PI4KA: variants seen among roughly 807,000 people sequenced by gnomAD.
PI4KA encodes the protein PI4-kinase alpha.
PI4KA carries 122 observed loss-of-function variants against 271.4 expected under a neutral mutation model. The ratio of observed to expected loss-of-function variants is 0.45; its 90% confidence interval spans 0.39 to 0.52. PI4KA has a LOEUF of 0.52. Among genes scored for constraint, PI4KA ranks in the 20% least tolerant of loss-of-function variants. The pLI is 0.00. For missense variants in PI4KA, 1,969 were observed against 2,769.1 expected (o/e 0.71, Z 6.48); for synonymous variants, 1,041 against 1,078.8 (o/e 0.96, Z 0.69).
Position 20,729,335 on chromosome 22 carries a change from G to C in PI4KA, c.4660C>G (p.Leu1554Val). 2 of 1,613,872 alleles carry C rather than the reference G, an allele frequency of 1.2e-6. No homozygotes were observed. Among genetic ancestry groups the C allele is most frequent in the Non-Finnish European group, 1.7e-6 (2 of 1,179,890 alleles). Reference protein sequence around the residue: ...VNLAWSISPYLAVQLPARFKN... With the variant: ...VNLAWSISPYVAVQLPARFKN... ...CACCTGGCAGGCAGCTGCACGGCTA[G>C]GTAGGGAGAGATGCTCCAGGCGAGG... Residue 1554 changes from leucine (L) to valine (V), a missense_variant, in exon 39 of 55, where the codon CTA (leucine) becomes GTA (valine). Coordinates refer to ENST00000255882, the MANE Select transcript of PI4KA (RefSeq NM_058004.4).
intron 41 of PI4KA, 59 bp from the exon 42 acceptor site, chr22:20,726,600 G>A (rs377300401): frequency 9.6e-6 from 14 of 1,451,490 alleles, no homozygotes; most frequent in African/African-American, 4.4e-5. Flanking sequence ...CCAACCCTAC[G>A]GCCCAGGCCC....
intron 1 of PI4KA, among the ~76,000 whole-genome samples, chr22:20,850,167 T>C (rs1395348852): frequency 6.6e-6 from 1 of 152,128 alleles, no homozygotes; most frequent in Non-Finnish European, 1.5e-5. Flanking sequence ...ACCTAGCCTA[T>C]GAAGGATCAA....
chr22:20,801,913 T>C, intron 14 of PI4KA, 60 bp downstream of exon 14: 1 of 1,576,220 alleles, frequency 6.3e-7, no homozygotes, highest in Non-Finnish European at 8.7e-7. Flanking sequence ...GTCTCTTATT[T>C]TGTAATAACC....
chr22:20,783,457 GA>G (rs1455293723), intron 19 of PI4KA, among the ~76,000 whole-genome samples: 14 of 149,384 alleles, frequency 9.4e-5, no homozygotes, highest in African/African-American at 3.4e-4. Context: ...AAAAAAGACA[GA>G]AAGAAAAAAT....
chr22:20,780,179 T>G, intron 19 of PI4KA: 1 of 1,614,218 alleles, frequency 6.2e-7, no homozygotes, highest in Non-Finnish European at 8.5e-7. Context: ...AGATGATGAT[T>G]CTCAACTGCA....
rs1439289709 is a variant in PI4KA at position 20,749,893 on chromosome 22, G to A, written c.3243+12C>T. ...GAGCTTATGGCAATTGCCTTTTGAT[G>A]GTTTCAAGTACCTGCAGGTGGGACT... is the stretch of plus-strand genomic sequence containing the variant. On this transcript the variant is annotated intron_variant, in intron 28 of 54. Transcript: ENST00000255882. 6 of 1,557,554 alleles carry A rather than the reference G, an allele frequency of 3.9e-6. No individual in the cohort carries two copies. The highest frequency in any genetic ancestry group is 5.3e-6 in the Non-Finnish European group (6 of 1,128,508).
At chr22:20,826,439 T>G (rs1923435341) in intron 3 of PI4KA, among the ~76,000 whole-genome samples, 1 of 152,206 alleles carries the variant, frequency 6.6e-6, no homozygotes, top group Admixed American at 6.6e-5. Context: ...ATTTTCTTTA[T>G]CCAGTCTTCC....
intron 42 of PI4KA, chr22:20,726,273 A>C: frequency 1.1e-5 from 5 of 441,046 alleles, no homozygotes; most frequent in East Asian, 4.1e-5. Flanking sequence ...CTCGCTCCAC[A>C]GAGCATGCTT....
In PI4KA at chr22:20,858,786, C is replaced by G. The variant is rs1180539507; in HGVS notation, c.-61G>C. On this transcript the variant is annotated 5_prime_UTR_variant, in exon 1 of 55. Transcript: ENST00000255882. ...CGCTCCTGGCCCGCGAGCGCCCGAC[C>G]TCAGGGCGCAGGCGTAGGTGCATCC... 2 of 1,368,216 alleles carry G rather than the reference C, an allele frequency of 1.5e-6. No individual in the cohort carries two copies. Among genetic ancestry groups the G allele is most frequent in the Non-Finnish European group, 9.5e-7 (1 of 1,057,012 alleles). The allele number at this position is 1,368,216 out of a possible 1,614,324, so 84.8% of individuals were successfully genotyped here.
In PI4KA at chr22:20,819,806, G is replaced by C. The variant is rs1470651331; in HGVS notation, c.624C>G (p.Leu208=). 3 of 1,614,092 alleles carry C rather than the reference G, an allele frequency of 1.9e-6. No individual in the cohort carries two copies. The highest frequency in any genetic ancestry group is 2.7e-5 in the African/African-American group (2 of 74,946). The change falls in exon 6 of 55, where the codon CTC becomes CTG. Residue 208 remains leucine (L), a synonymous_variant. Transcript: ENST00000255882. ...SNMEESLLSK[L]FPKIPPHSLR... is the part of the protein sequence containing the mutation. ...GGGAATGAGGAGGGATTTTGGGAAAGAGCTTTGAGAGGAGAGACTCTTCCA... is the reference window on the plus strand; with the variant it reads ...GGGAATGAGGAGGGATTTTGGGAAACAGCTTTGAGAGGAGAGACTCTTCCA...
At position 20,742,771 on chromosome 22, in the gene PI4KA, A is replaced by G; in HGVS notation, c.3457-7T>C. 1 of 1,613,856 alleles carries G rather than the reference A, an allele frequency of 6.2e-7. No individual in the cohort carries two copies. The highest frequency in any genetic ancestry group is 1.1e-5 in the South Asian group (1 of 91,068). ...ACCGAATCATTCCATACACCTGCAA[A>G]AACATTCTCATCAGCAACTAAGCAT... On this transcript the variant is annotated splice_polypyrimidine_tract_variant and splice_region_variant and intron_variant, in intron 30 of 54. Transcript: ENST00000255882.
chr22:20,826,067 T>C (rs11705257), intron 3 of PI4KA, among the ~76,000 whole-genome samples: 36,402 of 152,010 alleles, frequency 0.24, 5,676 homozygotes, highest in Non-Finnish European at 0.34. Context: ...CTTGGCCAGG[T>C]ATGGTGGCCT....
intron 6 of PI4KA, among the ~76,000 whole-genome samples, chr22:20,819,159 A>G (rs1922239710): frequency 6.6e-6 from 1 of 152,374 alleles, no homozygotes; most frequent in Non-Finnish European, 1.5e-5. Context: ...AGTGTGTCAT[A>G]TGTGTAATCT....
In PI4KA at chr22:20,852,924, A is replaced by G. The variant is rs192391546; in HGVS notation, c.156+5646T>C. Among the ~76,000 whole-genome samples the G allele has an allele frequency of 2.2e-3, 333 of 152,320 alleles. 3 individuals are homozygous for G. The highest frequency in any genetic ancestry group is 3.2e-3 in the Non-Finnish European group (217 of 68,032). On this transcript the variant is annotated intron_variant, in intron 1 of 54. Transcript: ENST00000255882. ...ACCAAGGAGGGTTCAGCCTGTCCCT[A>G]ATGCCGCAGTGCCATTTAAACATCA...
chr22:20,771,480 T>C (rs1442276879), intron 19 of PI4KA, among the ~76,000 whole-genome samples: 5 of 151,024 alleles, frequency 3.3e-5, no homozygotes, highest in Non-Finnish European at 5.9e-5. Context: ...GACTGAAAAA[T>C]GTCAATGTCA....
intron 23 of PI4KA, among the ~76,000 whole-genome samples, chr22:20,760,650 T>C (rs1298805824): frequency 6.6e-6 from 1 of 152,212 alleles, no homozygotes; most frequent in Non-Finnish European, 1.5e-5. Flanking sequence ...GGTCTCCTGG[T>C]AACCTTCCCA....
chr22:20,724,934 C>T (rs575158684), intron 42 of PI4KA, among the ~76,000 whole-genome samples: 1 of 152,314 alleles, frequency 6.6e-6, no homozygotes, highest in African/African-American at 2.4e-5. Context: ...AAGTTGCCAC[C>T]AGTGTGAAGG....
chr22:20,854,150 T>C (rs1325916738), intron 1 of PI4KA, among the ~76,000 whole-genome samples: 1 of 152,108 alleles, frequency 6.6e-6, no homozygotes, highest in Non-Finnish European at 1.5e-5. Flanking sequence ...AGACAGAGTC[T>C]CCGTTTGTCG....
At chr22:20,789,353 G>A (rs1001728092) in intron 19 of PI4KA, among the ~76,000 whole-genome samples, 10 of 151,712 alleles carry the variant, frequency 6.6e-5, no homozygotes, top group Admixed American at 6.6e-5. Flanking sequence ...TTTTTGAGAC[G>A]GAGTCTCGCT....
Sources: allele counts gnomAD v4.1 joint callset (sites outside exome capture counted in the v4.1 genomes callset), GRCh38; gene constraint gnomAD v4.1.1; transcripts MANE v1.5; gene names NCBI Gene and HGNC (gene_info 2026-07-23, HGNC 2026-07-21).